Variants in ERICH3 observed in about 807,000 individuals in gnomAD.
ERICH3 encodes glutamate rich 3.
Under a neutral mutation model 131.1 loss-of-function variants are expected in ERICH3, and 126 were observed. The observed-to-expected ratio is 0.96, with a 90% CI of 0.83 to 1.11. The LOEUF (loss-of-function observed/expected upper bound fraction) is 1.11. Ranked by LOEUF, ERICH3 falls within the 50% of genes most tolerant of loss-of-function variation. The probability of loss-of-function intolerance (pLI) is 0.00; values close to 1 mark genes in which losing one functional copy is unlikely to be tolerated. For synonymous variants in ERICH3, 695 were observed against 644.6 expected (o/e 1.08, Z -1.18); for missense variants, 2,050 against 1,810.7 (o/e 1.13, Z -2.40).
intron 1 of ERICH3, among the ~76,000 whole-genome samples, chr1:74,663,206 C>T (rs1424461539): frequency 6.6e-6 from 1 of 152,112 alleles, no homozygotes; most frequent in African/African-American, 2.4e-5. Flanking sequence ...TTGACATATA[C>T]TATGTGTCAG....
At chr1:74,608,669 G>A (rs1648515858) in intron 9 of ERICH3, among the ~76,000 whole-genome samples, 1 of 152,002 alleles carries the variant, frequency 6.6e-6, no homozygotes, top group South Asian at 2.1e-4. Context: ...TGCACTCAAA[G>A]TAACTATCAG....
intron 5 of ERICH3, among the ~76,000 whole-genome samples, chr1:74,637,046 T>C (rs746903997): frequency 6.6e-6 from 1 of 152,198 alleles, no homozygotes; most frequent in Non-Finnish European, 1.5e-5. Context: ...AAATTGGATA[T>C]GTTTTCTATG....
At chr1:74,641,517 A>G in intron 4 of ERICH3, 58 bp from the exon 5 acceptor site, 1 of 1,534,412 alleles carries the variant, frequency 6.5e-7, no homozygotes, top group Non-Finnish European at 8.9e-7. Flanking sequence ...AGGTTAGATT[A>G]TGCATGACAT....
chr1:74,636,434 G>T lies in ERICH3; in HGVS notation c.449C>A (p.Ala150Asp). ...EGHSSPLALT[A>D]PRPYTAPGNM... The stretch of plus-strand genomic sequence containing the variant: ...TCCTGGAGCAGTATATGGTCGAGGG[G>T]CTGTCTAGACAATTAGGGGAAAAAA... The change falls in exon 6 of 15, where the codon GCC becomes GAC. Residue 150 changes from alanine (A) to aspartate (D), a missense_variant. Physicochemically the swap from Ala to Asp is moderately radical, Grantham distance 126 (BLOSUM62 -2). Transcript: ENST00000326665. 1.2e-6 allele frequency: 2 copies of T among 1,603,322 alleles called. No homozygotes were observed. The highest frequency in any genetic ancestry group is 2.2e-5 in the East Asian group (1 of 44,750).
chr1:74,579,197 G>A (rs952152091), intron 12 of ERICH3, among the ~76,000 whole-genome samples: 11 of 152,038 alleles, frequency 7.2e-5, no homozygotes, highest in African/African-American at 2.7e-4. Flanking sequence ...CAATGTTTTA[G>A]GTTTTGCATA....
intron 5 of ERICH3, among the ~76,000 whole-genome samples, chr1:74,639,120 G>A (rs879537245): frequency 6.6e-6 from 1 of 152,082 alleles, no homozygotes; most frequent in Non-Finnish European, 1.5e-5. Context: ...AACCCACAAA[G>A]AGAAATTAGA....
rs374724363 is a variant in ERICH3 at position 74,673,544 on chromosome 1, C to T, written c.-25G>A. The T allele has an allele frequency of 1.9e-6, 3 of 1,609,648 alleles. No individual in the cohort carries two copies. The highest frequency in any genetic ancestry group is 2.2e-5 in the South Asian group (2 of 90,582). ...TTTTTGCAGGATCCCTTTTGGACCCCGCGGCAGGTGCGGAGGGTGGGTGCG... is the reference window on the plus strand; with the variant it reads ...TTTTTGCAGGATCCCTTTTGGACCCTGCGGCAGGTGCGGAGGGTGGGTGCG... On this transcript the variant is annotated 5_prime_UTR_variant, in exon 1 of 15. Coordinates refer to ENST00000326665, the MANE Select transcript of ERICH3 (RefSeq NM_001002912.5).
At chr1:74,629,503 C>A (rs1208412415) in intron 7 of ERICH3, among the ~76,000 whole-genome samples, 2 of 152,136 alleles carry the variant, frequency 1.3e-5, no homozygotes, top group Non-Finnish European at 2.9e-5. Context: ...AATGCAGAAT[C>A]CCAGGGGAAC....
rs527671647 is a variant in ERICH3, at chr1:74,666,288, G to A, written c.23+7209C>T. On this transcript the variant is annotated intron_variant, in intron 1 of 14. Coordinates refer to ENST00000326665, the MANE Select transcript of ERICH3 (RefSeq NM_001002912.5). ...AGCAAGATCGAGTAGACCCATAAGA[G>A]AATAAGAAATTATTAAAGAATCCAG... Among the ~76,000 whole-genome samples, 7 of 152,186 alleles carry A rather than the reference G, an allele frequency of 4.6e-5. No homozygotes were observed. The East Asian group carries it at 9.7e-4, about 21-fold the overall frequency.
At chr1:74,608,602 C>T (rs753260973) in intron 9 of ERICH3, among the ~76,000 whole-genome samples, 37 of 152,002 alleles carry the variant, frequency 2.4e-4, no homozygotes, top group Non-Finnish European at 4.0e-4. Flanking sequence ...AATATGAGAA[C>T]TGAGTTATAT....
intron 9 of ERICH3, among the ~76,000 whole-genome samples, chr1:74,607,740 A>G (rs1459153271): frequency 6.6e-6 from 1 of 152,008 alleles, no homozygotes; most frequent in African/African-American, 2.4e-5. Context: ...AACTTTTTAA[A>G]TCAATTATAA....
At chr1:74,650,972 A>C (rs1393658701) in intron 1 of ERICH3, among the ~76,000 whole-genome samples, 1 of 152,064 alleles carries the variant, frequency 6.6e-6, no homozygotes, top group Non-Finnish European at 1.5e-5. Flanking sequence ...AGAGAAAGAA[A>C]GAGAACAAGA....
chr1:74,582,006 C>T (rs1013406996), intron 12 of ERICH3, among the ~76,000 whole-genome samples: 3 of 152,184 alleles, frequency 2.0e-5, no homozygotes, highest in Non-Finnish European at 4.4e-5. Context: ...CTTGGTTAGA[C>T]AGCTACTCTA....
At chr1:74,664,083 C>A (rs950866974) in intron 1 of ERICH3, among the ~76,000 whole-genome samples, 45 of 152,140 alleles carry the variant, frequency 3.0e-4, no homozygotes, top group African/African-American at 1.1e-3. Context: ...GTTGGTATAA[C>A]TTTAAAGACA....
At chr1:74,576,485 T>C (rs770145384) in intron 13 of ERICH3, among the ~76,000 whole-genome samples, 4 of 152,120 alleles carry the variant, frequency 2.6e-5, no homozygotes, top group Non-Finnish European at 4.4e-5. Context: ...AAGTGAGAAA[T>C]GGAGCTCAGG....
intron 13 of ERICH3, among the ~76,000 whole-genome samples, chr1:74,574,742 G>A (rs1445254341): frequency 6.6e-6 from 1 of 152,144 alleles, no homozygotes; most frequent in African/African-American, 2.4e-5. Context: ...ATGGAACAAA[G>A]TGGATTTTTT....
Position 74,646,672 on chromosome 1 carries a change from T to C in ERICH3, c.238A>G (p.Met80Val). ...AAATAAGTATATATTTTTACCTCCA[T>C]ATCAAGAACTTTATGAAAAATTGCC... ...AQAIFHKVLD[M>V]ERYHQLEIKK... is the part of the protein sequence containing the mutation. Residue 80 changes from methionine to valine, a missense_variant, in exon 3 of 15, where the codon ATG (methionine) becomes GTG (valine). Transcript: ENST00000326665. 1 of 1,334,854 alleles carries C rather than the reference T, an allele frequency of 7.5e-7. No individual in the cohort carries two copies. Among genetic ancestry groups the C allele is most frequent in the Non-Finnish European group, 1.0e-6 (1 of 980,050 alleles). The allele number at this position is 1,334,854 out of a possible 1,614,324, so 82.7% of individuals were successfully genotyped here. A position where few individuals can be genotyped will look rare whatever the true frequency, so the allele number is the denominator to read the frequency against.
chr1:74,602,458 T>C (rs1342555768), intron 10 of ERICH3, among the ~76,000 whole-genome samples: 1 of 151,988 alleles, frequency 6.6e-6, no homozygotes, highest in East Asian at 1.9e-4. Context: ...AGAATTTAAT[T>C]AGCTTGTTGT....
chr1:74,617,977 T>C (rs1029938091), intron 8 of ERICH3, among the ~76,000 whole-genome samples: 2 of 152,104 alleles, frequency 1.3e-5, no homozygotes, highest in Non-Finnish European at 2.9e-5. Flanking sequence ...GGGAGATTGC[T>C]GGAGTCCAGG....
Sources: gnomAD v4.1 joint callset for allele counts (sites outside exome capture counted in the v4.1 genomes callset) on GRCh38, gnomAD v4.1.1 for gene constraint, MANE v1.5 for transcripts, NCBI Gene and HGNC (gene_info 2026-07-23, HGNC 2026-07-21) for gene names.